The following FHOD3 variants were observed in gnomAD, a reference collection of about 807,000 sequenced individuals.
FHOD3 encodes the protein FH1/FH2 domain-containing protein 3.
A neutral mutation model predicts 173.0 loss-of-function variants in FHOD3; 90 were observed. The ratio of observed to expected loss-of-function variants is 0.52; its 90% CI spans 0.44 to 0.62. The LOEUF (loss-of-function observed/expected upper bound fraction) is 0.62. FHOD3 is among the 20% of genes least tolerant of loss of function. The probability of loss-of-function intolerance (pLI) is 0.00; values close to 1 mark genes in which losing one functional copy is unlikely to be tolerated. For synonymous variants in FHOD3, 828 were observed against 823.0 expected (o/e 1.01, Z -0.10); for missense variants, 1,945 against 2,034.7 (o/e 0.96, Z 0.85).
chr18:36,638,195 ACCT>A (rs1444466806), intron 10 of FHOD3, among the ~76,000 whole-genome samples: 1 of 152,008 alleles, frequency 6.6e-6, no homozygotes, highest in African/African-American at 2.4e-5. Flanking sequence ...GGTCCAGAAA[ACCT>A]CCTCAGGCAT....
intron 13 of FHOD3, among the ~76,000 whole-genome samples, chr18:36,656,738 A>T (rs764584795): frequency 9.2e-5 from 14 of 152,104 alleles, no homozygotes; most frequent in Non-Finnish European, 1.5e-4. Flanking sequence ...AGCCTATATT[A>T]TCATTTTTCG....
chr18:36,697,393 A>G (rs2039344326), intron 17 of FHOD3, among the ~76,000 whole-genome samples: 1 of 152,214 alleles, frequency 6.6e-6, no homozygotes, highest in South Asian at 2.1e-4. Context: ...GCTGTCAAGA[A>G]TTTAGAAGTG....
chr18:36,600,426 C>T (rs2031203348), intron 7 of FHOD3, among the ~76,000 whole-genome samples: 1 of 152,188 alleles, frequency 6.6e-6, no homozygotes, highest in African/African-American at 2.4e-5. Context: ...CTGAGGCCTG[C>T]CAAGGCTATT....
intron 3 of FHOD3, among the ~76,000 whole-genome samples, chr18:36,462,606 A>T (rs191285702): frequency 4.6e-5 from 7 of 151,900 alleles, no homozygotes; most frequent in Admixed American, 3.3e-4. Flanking sequence ...CTAGGATTAC[A>T]GGCTGTTTGT....
At chr18:36,706,058 C>A (rs1422399873) in intron 17 of FHOD3, among the ~76,000 whole-genome samples, 2 of 151,182 alleles carry the variant, frequency 1.3e-5, no homozygotes, top group Non-Finnish European at 2.9e-5. Context: ...GAGAAATGTT[C>A]TGGAGTTCGG....
chr18:36,370,816 C>T (rs979934599), intron 2 of FHOD3, among the ~76,000 whole-genome samples: 3 of 152,212 alleles, frequency 2.0e-5, no homozygotes, highest in Admixed American at 6.5e-5. Context: ...TGGCCCCTGG[C>T]AGGGGTTCAC....
intron 10 of FHOD3, among the ~76,000 whole-genome samples, chr18:36,629,502 G>A (rs1487692634): frequency 1.3e-5 from 2 of 152,178 alleles, no homozygotes; most frequent in East Asian, 3.8e-4. Flanking sequence ...CCAAGGGTCT[G>A]GGTTTCTTGA....
At chr18:36,602,418 A>G (rs2031513489) in intron 7 of FHOD3, among the ~76,000 whole-genome samples, 1 of 152,212 alleles carries the variant, frequency 6.6e-6, no homozygotes. Flanking sequence ...CAAGCAAGTA[A>G]GCATCCAGAC....
chr18:36,356,220 A>G (rs2046353978), intron 2 of FHOD3, among the ~76,000 whole-genome samples: 1 of 152,262 alleles, frequency 6.6e-6, no homozygotes, highest in Non-Finnish European at 1.5e-5. Context: ...ATAGTTTTAT[A>G]CGGTATCATC....
intron 5 of FHOD3, among the ~76,000 whole-genome samples, chr18:36,529,754 C>T (rs917179594): frequency 3.9e-5 from 6 of 152,054 alleles, no homozygotes; most frequent in Non-Finnish European, 7.4e-5. Flanking sequence ...GAGCTGAGAT[C>T]GCGCCACTGC....
rs1265654708 is a variant in FHOD3 at position 36,706,207 on chromosome 18, G to A, written c.2237-2888G>A. Among the ~76,000 whole-genome samples the A allele has an allele frequency of 1.3e-5, 2 of 152,144 alleles. 1 individual carries two copies. The highest frequency in any genetic ancestry group is 3.9e-4 in the East Asian group (2 of 5,178). ...CTTGGCCCTCAGACAACTTTCCTGT[G>A]TTTGATTAAGACAGCTAGAGAAGGG... On this transcript the variant is annotated intron_variant, in intron 17 of 28. Coordinates refer to ENST00000590592, the MANE Select transcript of FHOD3 (RefSeq NM_001281740.3).
At chr18:36,684,213 C>T (rs559489834) in intron 15 of FHOD3, among the ~76,000 whole-genome samples, 1 of 152,208 alleles carries the variant, frequency 6.6e-6, no homozygotes, top group Admixed American at 6.5e-5. Context: ...CGGTTGATTA[C>T]CTGCTAATAC....
At chr18:36,398,582 T>A (rs556976603) in intron 3 of FHOD3, among the ~76,000 whole-genome samples, 41 of 152,216 alleles carry the variant, frequency 2.7e-4, no homozygotes, top group African/African-American at 9.9e-4. Context: ...GTCTCAATGA[T>A]TTGTTCCATT....
In FHOD3 at chr18:36,698,605, G is replaced by A. The variant is rs531395758; in HGVS notation, c.2236+5182G>A. Among the ~76,000 whole-genome samples the A allele has an allele frequency of 3.9e-5, 6 of 152,236 alleles. No individual in the cohort carries two copies. In the East Asian group the frequency reaches 1.2e-3, roughly 29 times the overall value. ...ACCCCAACTCCAAAAAAAAGAGAAG[G>A]GGAGGTGGACATTACCTGATCAAAA... On this transcript the variant is annotated intron_variant, in intron 17 of 28. Coordinates refer to ENST00000590592, the MANE Select transcript of FHOD3 (RefSeq NM_001281740.3).
intron 5 of FHOD3, among the ~76,000 whole-genome samples, chr18:36,556,084 T>G (rs1056263696): frequency 2.0e-5 from 3 of 152,236 alleles, no homozygotes; most frequent in Non-Finnish European, 4.4e-5. Context: ...ATTTGTTTGC[T>G]GTTTGTCTCA....
intron 1 of FHOD3, among the ~76,000 whole-genome samples, chr18:36,343,628 T>C (rs778791901): frequency 8.1e-6 from 1 of 123,776 alleles, no homozygotes; most frequent in Non-Finnish European, 2.0e-5. Flanking sequence ...CTGTCCCACC[T>C]CCTTTGCCTC....
chr18:36,572,657 A>T (rs1363035898), intron 5 of FHOD3, among the ~76,000 whole-genome samples: 1 of 152,144 alleles, frequency 6.6e-6, no homozygotes, highest in Non-Finnish European at 1.5e-5. Flanking sequence ...TTTAAACCTT[A>T]GTTTGCCTTC....
chr18:36,655,867 C>T (rs950730589), intron 13 of FHOD3, among the ~76,000 whole-genome samples: 1 of 152,164 alleles, frequency 6.6e-6, no homozygotes, highest in African/African-American at 2.4e-5. Context: ...ATTGCTTAGA[C>T]ATTAGGAAAA....
intron 4 of FHOD3, 56 bp from the exon 5 acceptor site, chr18:36,512,382 G>T: frequency 1.5e-6 from 2 of 1,303,048 alleles, no homozygotes; most frequent in Non-Finnish European, 2.2e-6. Context: ...AGCACAGCTG[G>T]GATGGAAGGT....
Sources: allele counts gnomAD v4.1 joint callset (sites outside exome capture counted in the v4.1 genomes callset), GRCh38; gene constraint gnomAD v4.1.1; transcripts MANE v1.5; gene names NCBI Gene and HGNC (gene_info 2026-07-23, HGNC 2026-07-21).